PREP: variants seen among roughly 807,000 people sequenced by gnomAD.
PREP encodes dJ355L5.1 (prolyl endopeptidase).
PREP carries 29 observed loss-of-function variants against 87.6 expected under a neutral mutation model. That is an observed-to-expected ratio of 0.33 (90% CI 0.25 to 0.45). The LOEUF is 0.45. Ranked by LOEUF, PREP falls within the 20% of genes least tolerant of loss-of-function variation. The pLI is 1.00. For synonymous variants in PREP, 337 were observed against 328.6 expected (o/e 1.03, Z -0.28); for missense variants, 695 against 886.5 (o/e 0.78, Z 2.74).
chr6:105,384,090 T>C (rs1227409094), intron 2 of PREP, among the ~76,000 whole-genome samples: 1 of 152,156 alleles, frequency 6.6e-6, no homozygotes, highest in Non-Finnish European at 1.5e-5. Context: ...TCTATTTCTT[T>C]CTGGTGCCAT....
At chr6:105,300,592 C>T (rs1770513614) in intron 10 of PREP, among the ~76,000 whole-genome samples, 1 of 151,740 alleles carries the variant, frequency 6.6e-6, no homozygotes, top group Non-Finnish European at 1.5e-5. Context: ...CAGATAAGAA[C>T]TCACAGATCC....
chr6:105,348,874 G>A (rs552281203), intron 7 of PREP, among the ~76,000 whole-genome samples: 72 of 145,972 alleles, frequency 4.9e-4, no homozygotes, highest in African/African-American at 1.7e-3. Flanking sequence ...GCAAGATTCC[G>A]TCTCAAAAAA....
intron 6 of PREP, among the ~76,000 whole-genome samples, chr6:105,366,842 C>T (rs1489415294): frequency 6.6e-6 from 1 of 152,146 alleles, no homozygotes; most frequent in East Asian, 1.9e-4. Flanking sequence ...AAGACAAATA[C>T]TGTAAGACGA....
At chr6:105,332,284 GCTGCTCCC>G (rs1771354993) in intron 8 of PREP, among the ~76,000 whole-genome samples, 1 of 152,094 alleles carries the variant, frequency 6.6e-6, no homozygotes, top group African/African-American at 2.4e-5. Context: ...GCTGGAATCA[GCTGCTCCC>G]CTGCCACCCC....
intron 10 of PREP, among the ~76,000 whole-genome samples, chr6:105,292,871 G>A (rs1422519523): frequency 6.6e-6 from 1 of 152,172 alleles, no homozygotes; most frequent in Non-Finnish European, 1.5e-5. Context: ...CTTCTTTCCT[G>A]AAACCGTATG....
At position 105,344,409 on chromosome 6, in the gene PREP, G is replaced by A. The variant is rs140474736; in HGVS notation, c.823+8563C>T. On this transcript the variant is annotated intron_variant, in intron 7 of 14. Coordinates refer to ENST00000652536, the MANE Select transcript of PREP (RefSeq NM_002726.5). Reference sequence around the variant, plus strand: ...CAGGAGGCTTAGGCAGGAGAATGGCGTGAACCTGGGAGGTGGAGCTTGCAG... The same window carrying A: ...CAGGAGGCTTAGGCAGGAGAATGGCATGAACCTGGGAGGTGGAGCTTGCAG... Among the ~76,000 whole-genome samples, 1,185 of 151,550 alleles carry A rather than the reference G, an allele frequency of 7.8e-3. 14 individuals carry two copies. Among genetic ancestry groups the A allele is most frequent in the African/African-American group, 0.026 (1,083 of 41,222 alleles).
chr6:105,278,986 G>T lies in PREP; in HGVS notation c.1839-548C>A, dbSNP rs1172056325. 1 of 152,216 alleles carries T rather than the reference G, an allele frequency of 6.6e-6. No individual in the cohort carries two copies. Among genetic ancestry groups the T allele is most frequent in the Non-Finnish European group, 1.5e-5 (1 of 68,110 alleles). 9.4% of individuals were successfully genotyped at this position (152,216 alleles called of 1,614,324 possible). On this transcript the variant is annotated intron_variant, in intron 14 of 14. Transcript: ENST00000652536. The surrounding 1 kb of genome is among the most constrained non-coding windows in gnomAD (Gnocchi z 4.2). ...GTAAACCGAGAAACCTGGATGGGCT[G>T]TTGAGCCTCCTGCTGGCTCTCAGTC...
In PREP at chr6:105,281,763, G is replaced by A. The variant is rs147922648; in HGVS notation, c.1821C>T (p.His607=). Residue 607 remains histidine, a synonymous_variant, in exon 14 of 15, where the codon CAC becomes CAT. Coordinates refer to ENST00000652536, the MANE Select transcript of PREP (RefSeq NM_002726.5). ...TDYGCSDSKQ[H]FEWLVKYSPL... is the part of the protein sequence containing the mutation. ...AACCTTACTTGACAAGCCATTCAAA[G>A]TGTTGTTTGCTGTCCGAGCACCCAT... 143 of 1,613,292 alleles carry A rather than the reference G, an allele frequency of 8.9e-5. No individual in the cohort carries two copies. The highest frequency in any genetic ancestry group is 1.2e-4 in the Non-Finnish European group (139 of 1,179,866).
At position 105,328,956 on chromosome 6, in the gene PREP, C is replaced by T. The variant is rs1300212350; in HGVS notation, c.1086G>A (p.Gln362=). The change falls in exon 9 of 15, where the codon CAG becomes CAA. Residue 362 remains glutamine, a synonymous_variant. Transcript: ENST00000652536. Reference sequence around the variant, plus strand: ...GAGCACCAGTAGTCAGGTCATGGAGCTGCAGAATGTTCTTGACGTCATGGA... The same window carrying T: ...GAGCACCAGTAGTCAGGTCATGGAGTTGCAGAATGTTCTTGACGTCATGGA... ...CYLHDVKNIL[Q]LHDLTTGALL... is the part of the protein sequence containing the mutation. The T allele has an allele frequency of 1.2e-6, 2 of 1,614,158 alleles. No individual in the cohort carries two copies. Among genetic ancestry groups the T allele is most frequent in the Middle Eastern group, 1.6e-4 (1 of 6,062 alleles).
At chr6:105,356,082 A>AT (rs970923597) in intron 6 of PREP, among the ~76,000 whole-genome samples, 12 of 151,204 alleles carry the variant, frequency 7.9e-5, no homozygotes, top group East Asian at 1.9e-4. Context: ...TATCAGTCAC[A>AT]TTTTTTTTGC....
intron 10 of PREP, among the ~76,000 whole-genome samples, chr6:105,313,399 A>C (rs937692725): frequency 6.6e-6 from 1 of 152,244 alleles, no homozygotes; most frequent in Non-Finnish European, 1.5e-5. Flanking sequence ...TTGTTCTAAA[A>C]CAGTATGGCA....
intron 10 of PREP, among the ~76,000 whole-genome samples, chr6:105,313,914 A>G (rs797008211): frequency 3.4e-4 from 52 of 152,230 alleles, no homozygotes; most frequent in African/African-American, 1.2e-3. Flanking sequence ...TGGGGGTTCA[A>G]GCTGCCACAT....
At chr6:105,352,745 T>G (rs932501826) in intron 7 of PREP, among the ~76,000 whole-genome samples, 2 of 152,230 alleles carry the variant, frequency 1.3e-5, no homozygotes, top group African/African-American at 4.8e-5. Flanking sequence ...TCACACTATG[T>G]GCAGAAAGTA....
chr6:105,337,720 A>C (rs1193111118), intron 7 of PREP, among the ~76,000 whole-genome samples: 1 of 152,176 alleles, frequency 6.6e-6, no homozygotes. Context: ...CCCTTCTTTC[A>C]TGCCAACTAA....
At chr6:105,296,713 C>T (rs1770419992) in intron 10 of PREP, among the ~76,000 whole-genome samples, 1 of 152,162 alleles carries the variant, frequency 6.6e-6, no homozygotes, top group Non-Finnish European at 1.5e-5. Flanking sequence ...CCCTATATGG[C>T]AACTGCTTCT....
Position 105,282,501 on chromosome 6 carries a change from G to T in PREP, c.1631C>A (p.Ser544Tyr), listed in dbSNP as rs1770106007. 1 of 1,614,032 alleles carries T rather than the reference G, an allele frequency of 6.2e-7. No homozygotes were observed. Among genetic ancestry groups the T allele is most frequent in the African/African-American group, 1.3e-5 (1 of 74,934 alleles). ...TCCATTAATAGTCAGCCTCTTGGGA[G>T]ATGTGTAACCTTCCTTGATCAGATA... ...AEYLIKEGYT[S>Y]PKRLTINGGS... Residue 544 changes from serine (S) to tyrosine (Y), a missense_variant, in exon 13 of 15, where the codon TCT (serine) becomes TAT (tyrosine). Ser to Tyr is a moderately radical substitution (Grantham distance 144). Transcript: ENST00000652536.
At chr6:105,335,679 C>T (rs528058252) in intron 7 of PREP, among the ~76,000 whole-genome samples, 128 of 152,134 alleles carry the variant, frequency 8.4e-4, no homozygotes, top group African/African-American at 2.9e-3. Context: ...ACCATGAGGT[C>T]GGGAGATTAA....
At chr6:105,352,774 A>G (rs1771993605) in intron 7 of PREP, among the ~76,000 whole-genome samples, 198 bp downstream of exon 7, 1 of 152,250 alleles carries the variant, frequency 6.6e-6, no homozygotes, top group African/African-American at 2.4e-5. Context: ...CTCAATCTAC[A>G]GAGAAAATGC....
intron 7 of PREP, among the ~76,000 whole-genome samples, chr6:105,350,360 GA>G (rs202124020): frequency 8.8e-5 from 13 of 148,250 alleles, no homozygotes; most frequent in South Asian, 8.5e-4. Flanking sequence ...TTAAGGGAGA[GA>G]AAAAAAAAAC....
Sources: allele counts gnomAD v4.1 joint callset (sites outside exome capture counted in the v4.1 genomes callset), GRCh38; gene constraint gnomAD v4.1.1; non-coding constraint Gnocchi (gnomAD v3.1); transcripts MANE v1.5; gene names NCBI Gene and HGNC (gene_info 2026-07-23, HGNC 2026-07-21).